ANK3: variants seen among roughly 807,000 people sequenced by gnomAD.
ANK3 encodes ankyrin-3.
ANK3 carries 57 observed loss-of-function variants against 370.9 expected under a neutral mutation model. The ratio of observed to expected loss-of-function variants is 0.15; its 90% confidence interval spans 0.12 to 0.19. The LOEUF (loss-of-function observed/expected upper bound fraction) is 0.19, where lower values mean the gene tolerates loss of function less well. Ranked by LOEUF, ANK3 falls within the 10% of genes least tolerant of loss-of-function variation. The pLI, the probability that ANK3 is intolerant of heterozygous loss-of-function variation, is 1.00. For missense variants in ANK3, 4,439 were observed against 5,302.1 expected (o/e 0.84, Z 5.06); for synonymous variants, 1,929 against 1,946.3 (o/e 0.99, Z 0.23).
At chr10:60,662,191 C>T (rs2078943763) in intron 1 of ANK3, among the ~76,000 whole-genome samples, 1 of 151,964 alleles carries the variant, frequency 6.6e-6, no homozygotes, top group African/African-American at 2.4e-5. Flanking sequence ...TGAAAAAATG[C>T]CATGTCTAGC....
chr10:60,359,768 T>A (rs1484899932), intron 1 of ANK3, among the ~76,000 whole-genome samples: 2 of 152,180 alleles, frequency 1.3e-5, no homozygotes, highest in Non-Finnish European at 2.9e-5. Flanking sequence ...TACTGCATTC[T>A]AGACTGGGTG....
chr10:60,680,708 G>A (rs1188196672), intron 1 of ANK3, among the ~76,000 whole-genome samples: 3 of 152,140 alleles, frequency 2.0e-5, no homozygotes, highest in Non-Finnish European at 4.4e-5. Flanking sequence ...AACTCAGCAT[G>A]ACCAAAATTG....
At chr10:60,065,369 A>T (rs905837093) in intron 38 of ANK3, among the ~76,000 whole-genome samples, 1 of 152,210 alleles carries the variant, frequency 6.6e-6, no homozygotes, top group Admixed American at 6.5e-5. Context: ...AGTGTGTATT[A>T]CCTTAAATGA....
chr10:60,563,123 T>TGGG (rs35022224), intron 2 of ANK3, among the ~76,000 whole-genome samples: 1 of 152,240 alleles, frequency 6.6e-6, no homozygotes, highest in Admixed American at 6.5e-5. Flanking sequence ...TTAAATTCAC[T>TGGG]GGGTTTTTAA....
chr10:60,581,098 C>T (rs2393672), intron 2 of ANK3, among the ~76,000 whole-genome samples: 72,319 of 152,066 alleles, frequency 0.48, 17,562 homozygotes, highest in Middle Eastern at 0.52. Context: ...CTGGTACAGA[C>T]GAGGTGCATT....
chr10:60,222,294 T>A (rs564821816), intron 8 of ANK3, among the ~76,000 whole-genome samples: 1 of 152,050 alleles, frequency 6.6e-6, no homozygotes, highest in South Asian at 2.1e-4. Flanking sequence ...GGAAAACGAG[T>A]GCCTAGGGTG....
intron 43 of ANK3, among the ~76,000 whole-genome samples, chr10:60,033,163 C>T (rs1291720377): frequency 6.6e-6 from 1 of 152,080 alleles, no homozygotes; most frequent in African/African-American, 2.4e-5. Context: ...ACCAATCATT[C>T]CTTTTAGCCA....
intron 30 of ANK3, chr10:60,086,439 A>T (rs2086694476): frequency 4.9e-6 from 2 of 407,480 alleles, no homozygotes; most frequent in Admixed American, 8.4e-5. Context: ...AGCAGGAAAG[A>T]TGCTATCACT....
intron 1 of ANK3, among the ~76,000 whole-genome samples, chr10:60,703,229 A>C (rs1171748151): frequency 6.6e-6 from 1 of 152,214 alleles, no homozygotes. Flanking sequence ...AATATTGAAG[A>C]AATTATTATT....
intron 2 of ANK3, among the ~76,000 whole-genome samples, chr10:60,439,251 C>T (rs376236756): frequency 2.6e-5 from 4 of 152,198 alleles, no homozygotes; most frequent in South Asian, 4.1e-4. Context: ...GTGGTGGCTC[C>T]CTGTAGCTAA....
At chr10:60,500,384 G>GAA (rs918689063) in intron 2 of ANK3, among the ~76,000 whole-genome samples, 1 of 151,816 alleles carries the variant, frequency 6.6e-6, no homozygotes, top group South Asian at 2.1e-4. Flanking sequence ...GCATGATGAA[G>GAA]AAAAAAAGAG....
intron 1 of ANK3, among the ~76,000 whole-genome samples, chr10:60,375,497 G>T (rs567072649): frequency 4.6e-5 from 7 of 150,860 alleles, no homozygotes; most frequent in South Asian, 2.1e-4. Flanking sequence ...AGGCCTGCCT[G>T]GGGGGGGAGG....
chr10:60,199,886 G>A (rs768728069), intron 13 of ANK3, among the ~76,000 whole-genome samples: 6 of 152,162 alleles, frequency 3.9e-5, no homozygotes, highest in South Asian at 2.1e-4. Flanking sequence ...GGGACTAGCC[G>A]TGTGCTGACA....
chr10:60,426,295 C>A (rs1387361330), intron 2 of ANK3, among the ~76,000 whole-genome samples: 2 of 152,046 alleles, frequency 1.3e-5, no homozygotes, highest in Non-Finnish European at 2.9e-5. Context: ...TAGCATAAAT[C>A]TATATTCCAT....
In ANK3 at chr10:60,527,413, C is replaced by CGA. The variant is rs961348378; in HGVS notation, c.96+87771_96+87772dup. On this transcript the variant is annotated intron_variant, in intron 2 of 43. Coordinates refer to the ANK3 transcript ENST00000373827. Reference sequence around the variant, plus strand: ...ATTGATTGCAGGAAATTTAAGAACACGAGAGAGAGAGAAGGGTTCAGAAAT... The same window carrying CGA: ...ATTGATTGCAGGAAATTTAAGAACACGAGAGAGAGAGAGAAGGGTTCAGAAAT... Among the ~76,000 whole-genome samples the CGA allele has an allele frequency of 1.1e-4, 17 of 151,824 alleles. No individual in the cohort carries two copies. In the East Asian group the frequency reaches 2.1e-3, roughly 19 times the overall value.
chr10:60,411,765 T>G (rs757925244), intron 2 of ANK3, among the ~76,000 whole-genome samples: 1 of 152,214 alleles, frequency 6.6e-6, no homozygotes, highest in Non-Finnish European at 1.5e-5. Context: ...TGTGCCTCAG[T>G]TTCCACATTT....
chr10:60,063,510 T>C (rs1010201299), intron 39 of ANK3, among the ~76,000 whole-genome samples: 1 of 152,236 alleles, frequency 6.6e-6, no homozygotes, highest in East Asian at 1.9e-4. Flanking sequence ...TAGATTCCTG[T>C]TGGCTATAAG....
intron 1 of ANK3, among the ~76,000 whole-genome samples, chr10:60,721,793 G>A (rs2079867173): frequency 6.6e-6 from 1 of 152,172 alleles, no homozygotes; most frequent in Non-Finnish European, 1.5e-5. Flanking sequence ...CAAACCTAGA[G>A]CTTAAAATTA....
rs755733306 is a variant in ANK3 at position 60,069,665 on chromosome 10, C to T, written c.11216G>A (p.Gly3739Glu). ...CGCTTCTATCTTATCTGTTATTTCT[C>T]CAGGGCCTTCTTTCTTCATGGTCAT... ...STMTMKKEGP[G>E]EITDKIEAVM... The change falls in exon 37 of 44, where the codon GGA becomes GAA. Residue 3739 changes from glycine (G) to glutamate (E), a missense_variant. Coordinates refer to ENST00000280772, the MANE Select transcript of ANK3 (RefSeq NM_020987.5). 4 of 1,614,092 alleles carry T rather than the reference C, an allele frequency of 2.5e-6. No homozygotes were observed. The Admixed American group carries it at 5.0e-5, about 20-fold the overall frequency.
Sources: gnomAD v4.1 joint callset for allele counts (sites outside exome capture counted in the v4.1 genomes callset) on GRCh38, gnomAD v4.1.1 for gene constraint, MANE v1.5 for transcripts, NCBI Gene and HGNC (gene_info 2026-07-23, HGNC 2026-07-21) for gene names.